The following ATP13A4 variants were observed in gnomAD, a reference collection of about 807,000 sequenced individuals.
ATP13A4 encodes the protein ATPase 13A4.
Under a neutral mutation model 142.5 loss-of-function variants are expected in ATP13A4, and 114 were observed. That is an observed-to-expected ratio of 0.80 (90% CI 0.69 to 0.93). The LOEUF (loss-of-function observed/expected upper bound fraction) is 0.93. Ranked by LOEUF, ATP13A4 falls within the 40% of genes least tolerant of loss-of-function variation. The pLI is 0.00. For synonymous variants in ATP13A4, 488 were observed against 514.8 expected, an observed-to-expected ratio of 0.95 and a Z score of 0.70; for missense variants, 1,392 against 1,454.0, an observed-to-expected ratio of 0.96 and a Z score of 0.69.
Position 193,454,192 on chromosome 3 carries a change from C to T in ATP13A4, c.1936G>A (p.Glu646Lys), listed in dbSNP as rs929598035. The change falls in exon 17 of 30, where the codon GAA (glutamate) becomes AAA (lysine). Residue 646 changes from glutamate to lysine, a missense_variant. Transcript: ENST00000342695. ...CCCTGTGTCGTGTAAATCTGAAGTT[C>T]GCTAACAAAACTAGTGGGTACTGTT... ...PETVPTSFVS[E>K]LQIYTTQGFR... 1.5e-5 allele frequency: 25 copies of T among 1,613,358 alleles called. No homozygotes were observed. Among genetic ancestry groups the T allele is most frequent in the East Asian group, 2.2e-5 (1 of 44,890 alleles).
chr3:193,467,220 G>T, intron 10 of ATP13A4, 96 bp downstream of exon 10: 1 of 1,282,540 alleles, frequency 7.8e-7, no homozygotes, highest in South Asian at 1.4e-5. Flanking sequence ...TGATTATAAA[G>T]AAAAAACAGC....
intron 23 of ATP13A4, among the ~76,000 whole-genome samples, chr3:193,436,565 A>G (rs1576959040): frequency 6.6e-6 from 1 of 151,808 alleles, no homozygotes; most frequent in Admixed American, 6.6e-5. Flanking sequence ...CGCCCGCCTC[A>G]GCCTCCTGAG....
intron 1 of ATP13A4, among the ~76,000 whole-genome samples, chr3:193,550,767 G>A (rs1320319049): frequency 6.6e-6 from 1 of 151,954 alleles, no homozygotes; most frequent in Non-Finnish European, 1.5e-5. Context: ...TATTTGTTAA[G>A]GCCTAGAGAA....
intron 2 of ATP13A4, among the ~76,000 whole-genome samples, chr3:193,574,071 TAGAG>T (rs535282781): frequency 8.2e-4 from 125 of 152,322 alleles, no homozygotes; most frequent in African/African-American, 2.9e-3. Context: ...ATATAAAGAA[TAGAG>T]AAATTCATTC....
chr3:193,581,105 TAGTG>T (rs1270523323), intron 2 of ATP13A4, among the ~76,000 whole-genome samples: 12 of 152,338 alleles, frequency 7.9e-5, no homozygotes, highest in African/African-American at 1.2e-4. Context: ...TCCGATACAT[TAGTG>T]AGTAAGAGAA....
chr3:193,505,665 T>A (rs1430515840), intron 2 of ATP13A4, among the ~76,000 whole-genome samples: 2 of 152,120 alleles, frequency 1.3e-5, no homozygotes, highest in Non-Finnish European at 2.9e-5. Flanking sequence ...CCCTTTTGCT[T>A]AGAGTAGGGG....
In ATP13A4 at chr3:193,414,627, C is replaced by G. The variant is rs752143332; in HGVS notation, c.2966G>C (p.Gly989Ala). The stretch of plus-strand genomic sequence containing the variant: ...AGGCTGCCTCTGAACCAGGATGAAG[C>G]CTGCAATATGCATGGCCAGGCTGAG... ...ILLSLAMHIA[G>A]FILVQRQPWY... Residue 989 changes from glycine to alanine, a missense_variant, in exon 26 of 30, where the codon GGC (glycine) becomes GCC (alanine). Gly to Ala is a moderately conservative substitution (Grantham distance 60). Transcript: ENST00000342695. 1.4e-5 allele frequency: 23 copies of G among 1,613,956 alleles called. No individual in the cohort carries two copies. Among genetic ancestry groups the G allele is most frequent in the Admixed American group, 3.3e-5 (2 of 59,960 alleles).
chr3:193,488,737 T>C (rs1020835453), intron 7 of ATP13A4, among the ~76,000 whole-genome samples: 3 of 152,164 alleles, frequency 2.0e-5, no homozygotes, highest in East Asian at 1.9e-4. Flanking sequence ...AAGAGTGATA[T>C]AGTAGTAGCT....
chr3:193,460,162 G>A (rs544723326), intron 13 of ATP13A4, among the ~76,000 whole-genome samples: 25 of 152,214 alleles, frequency 1.6e-4, no homozygotes, highest in South Asian at 1.0e-3. Flanking sequence ...CAACTCTGCC[G>A]TCCCCTTCAC....
chr3:193,508,204 C>T (rs1720957185), intron 2 of ATP13A4, among the ~76,000 whole-genome samples: 3 of 152,176 alleles, frequency 2.0e-5, no homozygotes, highest in Non-Finnish European at 2.9e-5. Context: ...GCTCCCAGAA[C>T]TATGAAACAA....
chr3:193,474,074 CT>C (rs1489935721), intron 8 of ATP13A4, among the ~76,000 whole-genome samples: 2 of 152,044 alleles, frequency 1.3e-5, no homozygotes, highest in African/African-American at 2.4e-5. Flanking sequence ...AATCCTAGCA[CT>C]TTGGGAGGAC....
chr3:193,539,560 T>C (rs1262938728), intron 1 of ATP13A4, among the ~76,000 whole-genome samples: 1 of 152,188 alleles, frequency 6.6e-6, no homozygotes, highest in East Asian at 1.9e-4. Context: ...GCCTAAGACA[T>C]CGCTTCTGTG....
chr3:193,461,080 C>G (rs1441107208), intron 13 of ATP13A4, among the ~76,000 whole-genome samples: 4 of 151,656 alleles, frequency 2.6e-5, no homozygotes, highest in Admixed American at 6.6e-5. Flanking sequence ...GATTGGAAGG[C>G]AGGAAGGCAG....
At chr3:193,588,942 C>A (rs1476501834) in intron 1 of ATP13A4, among the ~76,000 whole-genome samples, 2 of 152,076 alleles carry the variant, frequency 1.3e-5, no homozygotes, top group Non-Finnish European at 2.9e-5. Context: ...GAGTTTGAAA[C>A]CAGCCTGGCC....
chr3:193,474,032 A>T (rs1309481136), intron 8 of ATP13A4, among the ~76,000 whole-genome samples: 1 of 152,116 alleles, frequency 6.6e-6, no homozygotes, highest in African/African-American at 2.4e-5. Context: ...AGAAATACAC[A>T]GTAGAGGCCA....
intron 2 of ATP13A4, among the ~76,000 whole-genome samples, chr3:193,503,594 T>C (rs1210328478): frequency 1.3e-5 from 2 of 152,156 alleles, no homozygotes; most frequent in Non-Finnish European, 2.9e-5. Context: ...ACCACACCCA[T>C]TTTTGCTATG....
At chr3:193,437,169 A>C (rs1716336558) in intron 23 of ATP13A4, among the ~76,000 whole-genome samples, 1 of 150,018 alleles carries the variant, frequency 6.7e-6, no homozygotes, top group African/African-American at 2.4e-5. Flanking sequence ...TTTTGCCGTG[A>C]CATTTCCTCT....
At chr3:193,498,198 ATTAT>A (rs1443406090) in intron 3 of ATP13A4, among the ~76,000 whole-genome samples, 4 of 152,194 alleles carry the variant, frequency 2.6e-5, no homozygotes, top group African/African-American at 9.7e-5. Flanking sequence ...ATGTACAATT[ATTAT>A]TTGTCAATTA....
intron 8 of ATP13A4, among the ~76,000 whole-genome samples, chr3:193,479,237 T>C (rs763723142): frequency 1.3e-5 from 2 of 152,150 alleles, no homozygotes; most frequent in Non-Finnish European, 1.5e-5. Context: ...TCACCACTTC[T>C]ATTCAACATA....
Sources: gnomAD v4.1 joint callset for allele counts (sites outside exome capture counted in the v4.1 genomes callset) on GRCh38, gnomAD v4.1.1 for gene constraint, MANE v1.5 for transcripts, NCBI Gene and HGNC (gene_info 2026-07-23, HGNC 2026-07-21) for gene names.